Variants in GLYATL2 observed in about 807,000 individuals in gnomAD.
GLYATL2 encodes the protein glycine N-acyltransferase-like protein 2.
A neutral mutation model predicts 21.4 loss-of-function variants in GLYATL2; 25 were observed. That is an observed-to-expected ratio of 1.17 (90% CI 0.85 to 1.63). GLYATL2 has a LOEUF of 1.63. Among genes scored for constraint, GLYATL2 ranks in the 40% most tolerant of loss-of-function variants. The probability of loss-of-function intolerance (pLI) is 0.00; values close to 1 mark genes in which losing one functional copy is unlikely to be tolerated. For synonymous variants in GLYATL2, 114 were observed against 118.2 expected, an observed-to-expected ratio of 0.96 and a Z score of 0.23; for missense variants, 361 against 343.3, an observed-to-expected ratio of 1.05 and a Z score of -0.41.
chr11:58,901,035 G>GT (rs1321673374), intron 1 of GLYATL2, among the ~76,000 whole-genome samples: 5 of 152,050 alleles, frequency 3.3e-5, no homozygotes, highest in Non-Finnish European at 7.3e-5. Flanking sequence ...CCTGCCCTGA[G>GT]TAACTGCAAA....
At position 58,891,325 on chromosome 11, in the gene GLYATL2, A is replaced by G. The variant is rs558623791; in HGVS notation, n.60+12831T>C. Among the ~76,000 whole-genome samples, 6 of 152,340 alleles carry G rather than the reference A, an allele frequency of 3.9e-5. No individual in the cohort carries two copies. The South Asian group carries it at 1.2e-3, about 32-fold the overall frequency. On this transcript the variant is annotated intron_variant and non_coding_transcript_variant, in intron 1 of 4. Coordinates refer to the GLYATL2 transcript ENST00000533636. ...GTTTGTGGCTTACCAGAATGGGATC[A>G]CAAGTCTCTTTCTTTCAAACCCATG...
intron 1 of GLYATL2, chr11:58,893,146 A>G (rs1854574525): frequency 5.0e-6 from 2 of 398,440 alleles, no homozygotes; most frequent in Admixed American, 3.5e-5. Context: ...TCCTTACATC[A>G]AGCGCTGCAT....
chr11:58,902,183 GGAGT>G (rs1362729444), intron 1 of GLYATL2, among the ~76,000 whole-genome samples: 1 of 152,148 alleles, frequency 6.6e-6, no homozygotes, highest in African/African-American at 2.4e-5. Flanking sequence ...GTTGTTAGCA[GGAGT>G]GAGTGAGGTG....
At chr11:58,874,250 T>G (rs1010935614) in intron 1 of GLYATL2, among the ~76,000 whole-genome samples, 59 of 152,164 alleles carry the variant, frequency 3.9e-4, no homozygotes, top group Non-Finnish European at 6.6e-4. Context: ...GCTCCTGGAT[T>G]CAGTGATTTT....
In GLYATL2 at chr11:58,865,777, G is replaced by C. The variant is rs540808144; in HGVS notation, n.61-27409C>G. 1.1e-3 allele frequency among the ~76,000 whole-genome samples: 163 copies of C among 149,090 alleles called. 7 individuals carry two copies. Among genetic ancestry groups the C allele is most frequent in the African/African-American group, 3.5e-3 (143 of 41,338 alleles). The stretch of plus-strand genomic sequence containing the variant: ...ACCACTGTTTTAGGACATGACTTTA[G>C]AGAACGCATTAGCAGGGACTAAGCA... On this transcript the variant is annotated intron_variant and non_coding_transcript_variant, in intron 1 of 4. Transcript: ENST00000533636.
intron 1 of GLYATL2, among the ~76,000 whole-genome samples, chr11:58,871,643 A>G (rs1215071707): frequency 3.3e-5 from 5 of 152,106 alleles, no homozygotes; most frequent in Non-Finnish European, 7.4e-5. Context: ...ATAGTATTCC[A>G]TGGTGTATAT....
chr11:58,875,077 T>C (rs977222697), intron 1 of GLYATL2, among the ~76,000 whole-genome samples: 2 of 152,248 alleles, frequency 1.3e-5, no homozygotes, highest in African/African-American at 4.8e-5. Flanking sequence ...CTTTGTTGGT[T>C]TAAAGTCTGT....
intron 1 of GLYATL2, among the ~76,000 whole-genome samples, chr11:58,864,877 G>A (rs746391665): frequency 2.7e-5 from 4 of 148,956 alleles, no homozygotes; most frequent in Non-Finnish European, 6.0e-5. Flanking sequence ...TTTTCAAAGT[G>A]CCTCAGCAGC....
upstream of GLYATL2, chr11:58,907,928 G>GGGGACTAGAAAAATCTAGTCTA (rs1565115393): frequency 1.3e-5 from 2 of 153,026 alleles, no homozygotes; most frequent in Non-Finnish European, 2.9e-5. Flanking sequence ...TTTTCTAGTC[G>GGGGACTAGAAAAATCTAGTCTA]GATTTTGGGG....
At chr11:58,871,057 T>C (rs1295698686) in intron 1 of GLYATL2, among the ~76,000 whole-genome samples, 1 of 152,212 alleles carries the variant, frequency 6.6e-6, no homozygotes, top group Non-Finnish European at 1.5e-5. Context: ...AGATTTACCA[T>C]CAACTAAGTT....
intron 1 of GLYATL2, among the ~76,000 whole-genome samples, chr11:58,842,193 T>A (rs1336428278): frequency 6.6e-6 from 1 of 152,170 alleles, no homozygotes; most frequent in East Asian, 1.9e-4. Flanking sequence ...TAATCGTCAA[T>A]GATAATTCTC....
At position 58,837,397 on chromosome 11, in the gene GLYATL2, C is replaced by T; in HGVS notation, c.187G>A (p.Glu63Lys). The T allele has an allele frequency of 6.2e-7, 1 of 1,611,780 alleles. No homozygotes were observed. Among genetic ancestry groups the T allele is most frequent in the Non-Finnish European group, 8.5e-7 (1 of 1,178,224 alleles). Reference protein sequence around the residue: ...QIVITRPQKQEMKDDQDHYTN... With the variant: ...QIVITRPQKQKMKDDQDHYTN... ...TAATGATCCTGGTCATCTTTCATCT[C>T]CTGATATAACAAATATCAATTATAT... Residue 63 changes from glutamate to lysine, a missense_variant and splice_region_variant, in exon 4 of 6, where the codon GAG (glutamate) becomes AAG (lysine). Glu to Lys is a moderately conservative substitution (Grantham distance 56). Transcript: ENST00000287275.
At chr11:58,881,496 T>C (rs1322572045) in intron 1 of GLYATL2, among the ~76,000 whole-genome samples, 5 of 152,232 alleles carry the variant, frequency 3.3e-5, no homozygotes, top group Non-Finnish European at 7.3e-5. Context: ...AAAATGGCCA[T>C]AGGTCTGAAA....
At chr11:58,907,475 TTTTG>T (rs150638642), upstream of GLYATL2, 67,525 of 324,930 alleles carry the variant, frequency 0.21, 7,316 homozygotes, top group African/African-American at 0.4. Context: ...TTTCGCTCTT[TTTTG>T]TTTGTTTTGT....
At chr11:58,874,832 C>G (rs1390371503) in intron 1 of GLYATL2, among the ~76,000 whole-genome samples, 4 of 152,074 alleles carry the variant, frequency 2.6e-5, no homozygotes, top group Admixed American at 2.6e-4. Context: ...GAGTTCAATT[C>G]CTGGGTATCC....
rs538243289 is a variant in GLYATL2, at chr11:58,866,156, A to C, written n.61-27788T>G. ...TACTTGTCCTCTCCATGAAGTACCT[A>C]AACATCCCCTTTCTTCCTCTGTAAA... On this transcript the variant is annotated intron_variant and non_coding_transcript_variant, in intron 1 of 4. Coordinates refer to the GLYATL2 transcript ENST00000533636. Among the ~76,000 whole-genome samples, 2 of 149,184 alleles carry C rather than the reference A, an allele frequency of 1.3e-5. 1 individual carries two copies. Among genetic ancestry groups the C allele is most frequent in the Non-Finnish European group, 3.0e-5 (2 of 67,190 alleles).
At chr11:58,880,506 G>A (rs1394628630) in intron 1 of GLYATL2, among the ~76,000 whole-genome samples, 1 of 152,176 alleles carries the variant, frequency 6.6e-6, no homozygotes, top group Admixed American at 6.5e-5. Flanking sequence ...ATACAGCATG[G>A]TAGATCTTGA....
intron 1 of GLYATL2, among the ~76,000 whole-genome samples, chr11:58,876,303 C>T (rs1438336844): frequency 6.6e-6 from 1 of 152,228 alleles, no homozygotes; most frequent in African/African-American, 2.4e-5. Flanking sequence ...CAAAGTCATT[C>T]TCCGTCCAGC....
At chr11:58,854,291 A>G (rs1032108164) in intron 1 of GLYATL2, among the ~76,000 whole-genome samples, 1 of 152,196 alleles carries the variant, frequency 6.6e-6, no homozygotes, top group African/African-American at 2.4e-5. Context: ...TGTTTAACAT[A>G]CATGCCTGCC....
Sources: gnomAD v4.1 joint callset for allele counts (sites outside exome capture counted in the v4.1 genomes callset) on GRCh38, gnomAD v4.1.1 for gene constraint, MANE v1.5 for transcripts, NCBI Gene and HGNC (gene_info 2026-07-23, HGNC 2026-07-21) for gene names.